Variants in ELOVL5 observed in about 807,000 individuals in gnomAD.
ELOVL5 encodes ELOVL fatty acid elongase 5.
A neutral mutation model predicts 38.6 loss-of-function variants in ELOVL5; 8 were observed. The observed-to-expected ratio is 0.21, with a 90% CI of 0.12 to 0.37. The LOEUF is 0.37. Among genes scored for constraint, ELOVL5 ranks in the 10% least tolerant of loss-of-function variants. ELOVL5 has a pLI of 1.00. For synonymous variants in ELOVL5, 127 were observed against 133.7 expected, an observed-to-expected ratio of 0.95 and a Z score of 0.34; for missense variants, 280 against 367.8, an observed-to-expected ratio of 0.76 and a Z score of 1.95.
intron 1 of ELOVL5, among the ~76,000 whole-genome samples, chr6:53,319,911 T>C (rs1768227336): frequency 6.6e-6 from 1 of 152,258 alleles, no homozygotes; most frequent in Non-Finnish European, 1.5e-5. Flanking sequence ...TTATCTGGTT[T>C]GATCCTTGGA....
chr6:53,305,942 C>G (rs1767518690), intron 1 of ELOVL5, among the ~76,000 whole-genome samples: 1 of 152,068 alleles, frequency 6.6e-6, no homozygotes, highest in African/African-American at 2.4e-5. Flanking sequence ...GAGACTCCGT[C>G]TGCAATCCCG....
In ELOVL5 at chr6:53,270,836, T is replaced by C. The variant is rs112627936; in HGVS notation, c.622-109A>G. 1,083 of 1,259,048 alleles carry C rather than the reference T, an allele frequency of 8.6e-4. 3 individuals are homozygous for C. The highest frequency in any genetic ancestry group is 1.1e-3 in the Non-Finnish European group (998 of 899,656). The allele number at this position is 1,259,048 out of a possible 1,614,324, so 78.0% of individuals were successfully genotyped here. On this transcript the variant is annotated intron_variant, in intron 6 of 7. Transcript: ENST00000304434. ...CCTAAATTTCTGAATTAACACTTAC[T>C]ACCCTTGCTGCAGGTACAGCAGTCA...
intron 1 of ELOVL5, among the ~76,000 whole-genome samples, chr6:53,305,330 T>C (rs1198252353): frequency 8.5e-6 from 1 of 117,298 alleles, no homozygotes; most frequent in East Asian, 2.7e-4. Context: ...GGCAGGGGGC[T>C]GACCCCCCCA....
chr6:53,322,846 T>C (rs1022559606), intron 1 of ELOVL5, among the ~76,000 whole-genome samples: 1 of 152,256 alleles, frequency 6.6e-6, no homozygotes, highest in African/African-American at 2.4e-5. Context: ...CAGATTGCAA[T>C]GCTTCACTAA....
At chr6:53,342,187 C>T (rs114378746) in intron 1 of ELOVL5, among the ~76,000 whole-genome samples, 10 of 152,282 alleles carry the variant, frequency 6.6e-5, no homozygotes, top group Non-Finnish European at 1.3e-4. Flanking sequence ...GCGTCAACGA[C>T]TTCTGTAAAT....
Position 53,269,075 on chromosome 6 carries a change from TA to T in ELOVL5, c.*51del. ...TTAACGAGCATTGGGGCACAACTCATATTGTGCTTACAATCAGATGACGTGG... is the reference window on the plus strand; with the variant it reads ...TTAACGAGCATTGGGGCACAACTCATTTGTGCTTACAATCAGATGACGTGG... On this transcript the variant is annotated 3_prime_UTR_variant, in exon 8 of 8. Coordinates refer to ENST00000304434, the MANE Select transcript of ELOVL5 (RefSeq NM_021814.5). 6.3e-7 allele frequency: 1 copy of T among 1,596,478 alleles called. No homozygotes were observed. The highest frequency in any genetic ancestry group is 1.7e-5 in the Admixed American group (1 of 58,964).
intron 1 of ELOVL5, among the ~76,000 whole-genome samples, chr6:53,298,104 C>T (rs1406411265): frequency 6.6e-6 from 1 of 152,172 alleles, no homozygotes; most frequent in Non-Finnish European, 1.5e-5. Context: ...TTTTGAAAGA[C>T]AACCATCATG....
At chr6:53,332,214 A>G (rs146250385) in intron 1 of ELOVL5, among the ~76,000 whole-genome samples, 3 of 152,324 alleles carry the variant, frequency 2.0e-5, no homozygotes, top group Admixed American at 1.3e-4. Flanking sequence ...ACTCTGTGAA[A>G]TAAGTTGTTA....
At chr6:53,321,767 GAATA>G (rs1768312843) in intron 1 of ELOVL5, among the ~76,000 whole-genome samples, 3 of 152,240 alleles carry the variant, frequency 2.0e-5, no homozygotes, top group South Asian at 2.1e-4. Context: ...TCCAACAGCT[GAATA>G]AATAAACACT....
At chr6:53,270,314 C>T (rs184336817) in intron 7 of ELOVL5, among the ~76,000 whole-genome samples, 3 of 152,334 alleles carry the variant, frequency 2.0e-5, no homozygotes, top group East Asian at 3.9e-4. Context: ...CACGTCTCTG[C>T]TGCAGGTCAG....
chr6:53,284,684 T>C (rs1384437368), intron 3 of ELOVL5, among the ~76,000 whole-genome samples: 1 of 152,232 alleles, frequency 6.6e-6, no homozygotes, highest in African/African-American at 2.4e-5. Context: ...CAACTCTGCA[T>C]TAAGCAACTC....
intron 1 of ELOVL5, among the ~76,000 whole-genome samples, chr6:53,319,140 G>A (rs1425476057): frequency 6.6e-6 from 1 of 151,734 alleles, no homozygotes; most frequent in African/African-American, 2.4e-5. Flanking sequence ...GCGCAGTAGC[G>A]GGCGCCTGTA....
intron 4 of ELOVL5, among the ~76,000 whole-genome samples, chr6:53,275,561 C>T (rs1200112543): frequency 1.3e-5 from 2 of 152,194 alleles, no homozygotes; most frequent in East Asian, 3.8e-4. Flanking sequence ...AGGTTCAAAA[C>T]CTTGAAGTCT....
chr6:53,309,664 T>C (rs933622792), intron 1 of ELOVL5, among the ~76,000 whole-genome samples: 8 of 152,092 alleles, frequency 5.3e-5, no homozygotes, highest in African/African-American at 1.9e-4. Context: ...GCTTCTGGGA[T>C]TAGGTGATAA....
chr6:53,328,408 A>G (rs1768643260), intron 1 of ELOVL5, among the ~76,000 whole-genome samples: 1 of 152,198 alleles, frequency 6.6e-6, no homozygotes, highest in Non-Finnish European at 1.5e-5. Flanking sequence ...AAAATCTTAA[A>G]AGAATTCCTT....
intron 3 of ELOVL5, chr6:53,287,905 G>A (rs1766633849): frequency 4.6e-6 from 7 of 1,535,606 alleles, no homozygotes; most frequent in Non-Finnish European, 6.1e-6. Context: ...ATCAGTTCGT[G>A]AGGCACAGGC....
At chr6:53,305,354 C>T (rs1355387506) in intron 1 of ELOVL5, among the ~76,000 whole-genome samples, 1 of 121,984 alleles carries the variant, frequency 8.2e-6, no homozygotes, top group African/African-American at 4.0e-5. Flanking sequence ...CCCTCCCGGA[C>T]GGGGCGGCTG....
chr6:53,306,504 T>TA (rs138998024), intron 1 of ELOVL5, among the ~76,000 whole-genome samples: 89,027 of 151,662 alleles, frequency 0.59, 28,543 homozygotes, highest in African/African-American at 0.87. Flanking sequence ...CACTTGATCT[T>TA]AAAAACTCAG....
intron 3 of ELOVL5, among the ~76,000 whole-genome samples, chr6:53,281,031 A>T (rs1209652980): frequency 6.6e-6 from 1 of 152,186 alleles, no homozygotes; most frequent in Non-Finnish European, 1.5e-5. Context: ...CTCAGGAAAC[A>T]AGGTCACTGG....
Sources: gnomAD v4.1 joint callset for allele counts (sites outside exome capture counted in the v4.1 genomes callset) on GRCh38, gnomAD v4.1.1 for gene constraint, MANE v1.5 for transcripts, NCBI Gene and HGNC (gene_info 2026-07-23, HGNC 2026-07-21) for gene names.